The following SLC9C1 variants were observed in gnomAD, a reference collection of about 807,000 sequenced individuals.
The protein encoded by SLC9C1 is sodium/hydrogen exchanger 10.
SLC9C1 carries 97 observed loss-of-function variants against 140.9 expected under a neutral mutation model. The ratio of observed to expected loss-of-function variants is 0.69; its 90% CI spans 0.58 to 0.82. The LOEUF (loss-of-function observed/expected upper bound fraction) is 0.82. SLC9C1 is among the 40% of genes least tolerant of loss of function. The pLI is 0.00. For missense variants in SLC9C1, 1,340 were observed against 1,389.3 expected (o/e 0.96, Z 0.56); for synonymous variants, 440 against 442.6 (o/e 0.99, Z 0.07).
chr3:112,191,254 G>T (rs1021842011), intron 20 of SLC9C1, among the ~76,000 whole-genome samples: 3 of 151,956 alleles, frequency 2.0e-5, no homozygotes, highest in Non-Finnish European at 4.4e-5. Flanking sequence ...AAAATAAGTG[G>T]GGAGAGAGGA....
At chr3:112,218,071 A>G (rs1252196184) in intron 14 of SLC9C1, among the ~76,000 whole-genome samples, 1 of 152,168 alleles carries the variant, frequency 6.6e-6, no homozygotes, top group Non-Finnish European at 1.5e-5. Flanking sequence ...GTTTAGAATG[A>G]CTAAAAATGA....
Position 112,203,950 on chromosome 3 carries a change from A to G in SLC9C1, c.2172+268T>C, listed in dbSNP as rs571005327. The stretch of plus-strand genomic sequence containing the variant: ...GAGGTTAACTTACACTTGCATTAAT[A>G]TAGAATTTCTCATGTGCTGTCTATT... On this transcript the variant is annotated intron_variant, in intron 17 of 28. Transcript: ENST00000305815. Among the ~76,000 whole-genome samples the G allele has an allele frequency of 3.9e-5, 6 of 152,106 alleles. No individual in the cohort carries two copies. In the South Asian group the frequency reaches 1.2e-3, roughly 32 times the overall value.
intron 10 of SLC9C1, among the ~76,000 whole-genome samples, chr3:112,249,113 G>A (rs2079376774): frequency 1.3e-5 from 2 of 151,802 alleles, no homozygotes; most frequent in South Asian, 2.1e-4. Flanking sequence ...CTTATTTTGA[G>A]GTATCTTCCT....
At chr3:112,156,314 G>T (rs557589828) in intron 26 of SLC9C1, among the ~76,000 whole-genome samples, 15 of 152,112 alleles carry the variant, frequency 9.9e-5, no homozygotes, top group Admixed American at 3.3e-4. Context: ...CAAACACATT[G>T]CAGCAAATGA....
chr3:112,270,618 C>A (rs565548953), intron 6 of SLC9C1, among the ~76,000 whole-genome samples: 21 of 152,326 alleles, frequency 1.4e-4, no homozygotes, highest in African/African-American at 4.8e-4. Flanking sequence ...GAGTTTGAGA[C>A]CAGCCTGGCC....
At chr3:112,220,489 G>T (rs374782853) in intron 14 of SLC9C1, among the ~76,000 whole-genome samples, 9 of 152,256 alleles carry the variant, frequency 5.9e-5, no homozygotes, top group African/African-American at 2.2e-4. Flanking sequence ...GGGAATTTTG[G>T]TGTCTTCAGG....
chr3:112,243,236 C>G (rs1159088853), intron 11 of SLC9C1, among the ~76,000 whole-genome samples: 1 of 152,122 alleles, frequency 6.6e-6, no homozygotes, highest in Non-Finnish European at 1.5e-5. Context: ...CAGCATTATT[C>G]ACAATAGCAA....
chr3:112,141,384 C>T, intron 28 of SLC9C1, 103 bp from the exon 29 acceptor site: 1 of 1,167,020 alleles, frequency 8.6e-7, no homozygotes, highest in Non-Finnish European at 1.2e-6. Flanking sequence ...CAATTTGACT[C>T]CCATAAGACA....
chr3:112,266,117 G>A (rs1448778622), intron 8 of SLC9C1, 121 bp downstream of exon 8: 1 of 726,624 alleles, frequency 1.4e-6, no homozygotes, highest in African/African-American at 1.9e-5. Flanking sequence ...AAGGTTTTTA[G>A]TTGGGTAGTT....
chr3:112,260,521 A>G (rs1159960472), intron 10 of SLC9C1, among the ~76,000 whole-genome samples: 1 of 152,044 alleles, frequency 6.6e-6, no homozygotes, highest in African/African-American at 2.4e-5. Flanking sequence ...CATATTGTGG[A>G]TGTCACATTC....
chr3:112,172,311 T>G (rs1001296070), intron 23 of SLC9C1, among the ~76,000 whole-genome samples: 1 of 152,102 alleles, frequency 6.6e-6, no homozygotes, highest in Non-Finnish European at 1.5e-5. Context: ...TTTATCTCTT[T>G]TATACTTTGA....
intron 10 of SLC9C1, among the ~76,000 whole-genome samples, chr3:112,251,341 T>C (rs1428814641): frequency 1.3e-5 from 2 of 152,070 alleles, no homozygotes; most frequent in Non-Finnish European, 2.9e-5. Flanking sequence ...CCCATTCTTC[T>C]CCCATGGATC....
intron 1 of SLC9C1, among the ~76,000 whole-genome samples, chr3:112,290,157 A>G (rs1013363680): frequency 2.6e-5 from 4 of 152,224 alleles, no homozygotes; most frequent in African/African-American, 9.6e-5. Context: ...GCCCACTCTT[A>G]TGCCAAGACT....
intron 20 of SLC9C1, among the ~76,000 whole-genome samples, chr3:112,189,080 G>GT (rs1402793065): frequency 2.1e-5 from 3 of 144,768 alleles, no homozygotes; most frequent in African/African-American, 7.6e-5. Context: ...GGGGTTGTTT[G>GT]TTTTTTTCTT....
chr3:112,197,130 C>CT (rs2077787756), intron 20 of SLC9C1, among the ~76,000 whole-genome samples: 1 of 152,116 alleles, frequency 6.6e-6, no homozygotes, highest in East Asian at 1.9e-4. Context: ...TTTTATTTTA[C>CT]TTTTTTTCTG....
chr3:112,166,060 C>T lies in SLC9C1; in HGVS notation c.3364+1161G>A, dbSNP rs534160489. On this transcript the variant is annotated intron_variant, in intron 26 of 28. Transcript: ENST00000305815. ...GAGTGAGGCTCCGTGGTCGTAGGAC[C>T]CTCCAAGCCAGGCGCTGGATATAAT... Among the ~76,000 whole-genome samples, 21 of 152,324 alleles carry T rather than the reference C, an allele frequency of 1.4e-4. No homozygotes were observed. In the South Asian group the frequency reaches 3.7e-3, roughly 27 times the overall value.
chr3:112,218,978 T>A (rs1327877152), intron 14 of SLC9C1, among the ~76,000 whole-genome samples: 5 of 152,232 alleles, frequency 3.3e-5, no homozygotes, highest in African/African-American at 9.6e-5. Flanking sequence ...TGACCTTGCA[T>A]AAATTATTTA....
At chr3:112,242,733 T>C (rs747744352) in intron 11 of SLC9C1, among the ~76,000 whole-genome samples, 4 of 152,174 alleles carry the variant, frequency 2.6e-5, no homozygotes, top group Non-Finnish European at 2.9e-5. Flanking sequence ...GGATACTCCA[T>C]TTACCCTAAT....
intron 11 of SLC9C1, among the ~76,000 whole-genome samples, chr3:112,243,007 T>C (rs1195104379): frequency 2.0e-5 from 3 of 151,914 alleles, no homozygotes; most frequent in Non-Finnish European, 2.9e-5. Flanking sequence ...TATTAAAAAG[T>C]CAAAAAATAA....
Sources: gnomAD v4.1 joint callset for allele counts (sites outside exome capture counted in the v4.1 genomes callset) on GRCh38, gnomAD v4.1.1 for gene constraint, MANE v1.5 for transcripts, NCBI Gene and HGNC (gene_info 2026-07-23, HGNC 2026-07-21) for gene names.